The following ST7L variants were observed in gnomAD, a reference collection of about 807,000 sequenced individuals.
The protein encoded by ST7L is suppression of tumorigenicity 7 like.
In ST7L, 57 loss-of-function variants were observed where a neutral mutation model predicts 72.5. The observed-to-expected ratio is 0.79, with a 90% CI of 0.64 to 0.98. The LOEUF (loss-of-function observed/expected upper bound fraction) is 0.98. Ranked by LOEUF, ST7L falls within the 50% of genes least tolerant of loss-of-function variation. The pLI, the probability that ST7L is intolerant of heterozygous loss-of-function variation, is 0.00. For synonymous variants in ST7L, 221 were observed against 240.9 expected (o/e 0.92, Z 0.77); for missense variants, 576 against 672.2 (o/e 0.86, Z 1.58).
At chr1:112,540,062 C>T in intron 14 of ST7L, 5 of 985,366 alleles carry the variant, frequency 5.1e-6, no homozygotes, top group Non-Finnish European at 6.0e-6. Flanking sequence ...GCTATGTAAT[C>T]GTAAAGATTC....
At chr1:112,574,330 C>A (rs1438856082) in intron 11 of ST7L, among the ~76,000 whole-genome samples, 1 of 151,108 alleles carries the variant, frequency 6.6e-6, no homozygotes, top group Non-Finnish European at 1.5e-5. Flanking sequence ...AATTCTCCTG[C>A]CTCAGCCTCT....
rs139333916 is a variant in ST7L, at chr1:112,526,103, T to C, written c.1638A>G (p.Gly546=). 1,928 of 1,614,022 alleles carry C rather than the reference T, an allele frequency of 1.2e-3. 2 individuals carry two copies. The highest frequency in any genetic ancestry group is 1.6e-3 in the Non-Finnish European group (1,858 of 1,179,994). The part of the protein sequence containing the change: ...IMGIFAKAVL[G]LWCPQPWASS... ...ATGCCCAGGGTTGGGGGCACCAGAG[T>C]CCCAGCACCTTCAAAACAGAAATTG... Residue 546 remains glycine, a synonymous_variant, in exon 15 of 15, where the codon GGA becomes GGG. Coordinates refer to ENST00000358039, the MANE Select transcript of ST7L (RefSeq NM_017744.5).
intron 11 of ST7L, 58 bp from the exon 12 acceptor site, chr1:112,556,076 G>T (rs1659072848): frequency 7.8e-6 from 10 of 1,276,272 alleles, no homozygotes; most frequent in Non-Finnish European, 1.0e-5. Flanking sequence ...AAATTAAATT[G>T]TGTTAAATTC....
rs908879900 is a variant in ST7L, at chr1:112,578,479, A to G, written c.1070-62T>C. On this transcript the variant is annotated intron_variant, in intron 9 of 14. Coordinates refer to ENST00000358039, the MANE Select transcript of ST7L (RefSeq NM_017744.5). ...AAAAAGGTATTGAGACAATTTTTTA[A>G]TAAGAATAATTCACGGCCAGGCATG... is the stretch of plus-strand genomic sequence containing the variant. 6 of 1,445,034 alleles carry G rather than the reference A, an allele frequency of 4.2e-6. No homozygotes were observed. The South Asian group carries it at 4.6e-5, about 11-fold the overall frequency. The allele number at this position is 1,445,034 out of a possible 1,614,324, so 89.5% of individuals were successfully genotyped here.
Position 112,568,855 on chromosome 1 carries a change from AATATAAATATAT to A in ST7L, c.1245+8119_1245+8130del, listed in dbSNP as rs1380619320. ...GGAGACCCTGTTTTTTATAAATATA[AATATAAATATAT>A]ATATATATATATATATATATAAAAC... On this transcript the variant is annotated intron_variant, in intron 11 of 14. Coordinates refer to ENST00000358039, the MANE Select transcript of ST7L (RefSeq NM_017744.5). 9.8e-3 allele frequency among the ~76,000 whole-genome samples: 791 copies of A among 80,876 alleles called. 8 individuals carry two copies. Among genetic ancestry groups the A allele is most frequent in the South Asian group, 0.015 (49 of 3,308 alleles). The allele number at this position is 80,876 out of a possible 152,430, so 53.1% of individuals were successfully genotyped here.
chr1:112,602,885 T>G (rs747489180), intron 3 of ST7L, among the ~76,000 whole-genome samples: 14 of 151,730 alleles, frequency 9.2e-5, no homozygotes, highest in Non-Finnish European at 1.3e-4. Flanking sequence ...GCCCGGCTAA[T>G]TTTTTTGTAT....
intron 14 of ST7L, among the ~76,000 whole-genome samples, chr1:112,533,863 T>C (rs901279641): frequency 6.6e-6 from 1 of 151,802 alleles, no homozygotes; most frequent in Admixed American, 6.6e-5. Flanking sequence ...GAGCTCTTAC[T>C]ACTATAATTA....
downstream of ST7L, chr1:112,520,751 G>C (rs1164082984): frequency 1.8e-6 from 1 of 569,754 alleles, no homozygotes; most frequent in African/African-American, 1.9e-5. Context: ...GATTTGAAGG[G>C]AGAGTAGAAG....
chr1:112,608,173 A>G (rs1032931962), intron 3 of ST7L, among the ~76,000 whole-genome samples: 2 of 152,216 alleles, frequency 1.3e-5, no homozygotes, highest in African/African-American at 4.8e-5. Flanking sequence ...GGTGCGTATT[A>G]CTGTGCCCAA....
intron 13 of ST7L, among the ~76,000 whole-genome samples, chr1:112,549,868 G>A (rs565462673): frequency 2.6e-5 from 4 of 152,072 alleles, no homozygotes; most frequent in East Asian, 3.9e-4. Context: ...TCTTATTCCC[G>A]ATCTTAGGGG....
In ST7L at chr1:112,610,860, G is replaced by A. The variant is rs901352110; in HGVS notation, c.432C>T (p.Thr144=). 6.2e-7 allele frequency: 1 copy of A among 1,613,824 alleles called. No homozygotes were observed. The change falls in exon 3 of 15, where the codon ACC becomes ACT. Residue 144 remains threonine, a synonymous_variant. Transcript: ENST00000358039. The stretch of plus-strand genomic sequence containing the variant: ...AGTCACCTGACAAATTCTGTCTGCT[G>A]GTTTCATTTTCTCTGTTCCTCGAAG... ...GSPSRNRENE[T]SRQNLSECKV... is the part of the protein sequence containing the mutation.
intron 7 of ST7L, 48 bp from the exon 8 acceptor site, chr1:112,582,520 G>A (rs771103334): frequency 2.7e-6 from 3 of 1,125,824 alleles, no homozygotes; most frequent in Non-Finnish European, 3.9e-6. Context: ...TTTGTATTGT[G>A]GGCTGCTATT....
intron 13 of ST7L, 68 bp downstream of exon 13, chr1:112,550,533 G>T: frequency 8.2e-7 from 1 of 1,226,760 alleles, no homozygotes; most frequent in Non-Finnish European, 1.2e-6. Flanking sequence ...TTTTAAAATG[G>T]AGAATACTAT....
intron 9 of ST7L, among the ~76,000 whole-genome samples, chr1:112,580,043 A>G (rs1663834039): frequency 6.6e-6 from 1 of 152,232 alleles, no homozygotes; most frequent in Non-Finnish European, 1.5e-5. Context: ...TAAAAGAAGT[A>G]AACTTCTCTT....
intron 3 of ST7L, among the ~76,000 whole-genome samples, chr1:112,603,192 GTGA>G (rs1558047323): frequency 6.6e-6 from 1 of 152,174 alleles, no homozygotes; most frequent in Non-Finnish European, 1.5e-5. Context: ...TGTGAGAATG[GTGA>G]TGATATTAAC....
At chr1:112,532,119 G>A (rs1330439318) in intron 14 of ST7L, among the ~76,000 whole-genome samples, 1 of 152,148 alleles carries the variant, frequency 6.6e-6, no homozygotes, top group Admixed American at 6.6e-5. Context: ...ACCCCTAAAG[G>A]GATCAGAGTC....
chr1:112,542,747 C>CTAAATAAATAAA (rs71081246), intron 13 of ST7L, among the ~76,000 whole-genome samples: 1 of 142,838 alleles, frequency 7.0e-6, no homozygotes, highest in Non-Finnish European at 1.5e-5. Context: ...AGACCTGTCT[C>CTAAATAAATAAA]TAAATAAATA....
intron 3 of ST7L, among the ~76,000 whole-genome samples, chr1:112,601,064 C>T (rs1438210487): frequency 6.6e-6 from 1 of 152,132 alleles, no homozygotes; most frequent in African/African-American, 2.4e-5. Flanking sequence ...TAGCACTTAC[C>T]ATATTACAAT....
downstream of ST7L, among the ~76,000 whole-genome samples, chr1:112,518,890 A>G (rs1652709531): frequency 6.6e-6 from 1 of 152,256 alleles, no homozygotes; most frequent in South Asian, 2.1e-4. Flanking sequence ...ATGTTTTCCT[A>G]TCTCTGTTGT....
Sources: allele counts gnomAD v4.1 joint callset (sites outside exome capture counted in the v4.1 genomes callset), GRCh38; gene constraint gnomAD v4.1.1; transcripts MANE v1.5; gene names NCBI Gene and HGNC (gene_info 2026-07-23, HGNC 2026-07-21).